Variants in CTNNA2 observed in about 807,000 individuals in gnomAD.
CTNNA2 encodes the protein catenin alpha 2.
CTNNA2 carries 42 observed loss-of-function variants against 101.0 expected under a neutral mutation model. The ratio of observed to expected loss-of-function variants is 0.42; its 90% CI spans 0.32 to 0.54. The LOEUF (loss-of-function observed/expected upper bound fraction) is 0.54. Among genes scored for constraint, CTNNA2 ranks in the 20% least tolerant of loss-of-function variants. CTNNA2 has a pLI of 0.14. For missense variants in CTNNA2, 871 were observed against 1,223.1 expected (o/e 0.71, Z 4.29); for synonymous variants, 450 against 456.4 (o/e 0.99, Z 0.18).
chr2:79,944,230 C>CTAA (rs1688343628), intron 7 of CTNNA2, among the ~76,000 whole-genome samples: 1 of 152,110 alleles, frequency 6.6e-6, no homozygotes, highest in South Asian at 2.1e-4. Context: ...CCTGCACAGT[C>CTAA]TAATCATTTA....
chr2:79,850,907 A>G (rs576237599), intron 3 of CTNNA2, among the ~76,000 whole-genome samples: 6 of 152,318 alleles, frequency 3.9e-5, no homozygotes, highest in Admixed American at 2.6e-4. Flanking sequence ...CCAGATAGAT[A>G]CAGCCTAATG....
At chr2:79,916,891 A>G (rs1001758599) in intron 7 of CTNNA2, among the ~76,000 whole-genome samples, 9 of 151,000 alleles carry the variant, frequency 6.0e-5, no homozygotes, top group African/African-American at 1.9e-4. Context: ...TCAAAGTGCT[A>G]GGATTACAGG....
At chr2:79,918,872 C>A (rs1174443614) in intron 7 of CTNNA2, among the ~76,000 whole-genome samples, 1 of 152,112 alleles carries the variant, frequency 6.6e-6, no homozygotes, top group African/African-American at 2.4e-5. Context: ...CAATAACAAC[C>A]GGTTATGGAT....
chr2:80,343,093 A>C (rs1444308998), intron 7 of CTNNA2, among the ~76,000 whole-genome samples: 1 of 152,188 alleles, frequency 6.6e-6, no homozygotes, highest in Non-Finnish European at 1.5e-5. Context: ...GGGTTAGGGC[A>C]TATCTAATGA....
chr2:80,647,509 C>A (rs528374578), intron 18 of CTNNA2, 76 bp from the exon 19 acceptor site: 2 of 1,199,696 alleles, frequency 1.7e-6, no homozygotes, highest in Non-Finnish European at 2.3e-6. Context: ...TTATTTTAAC[C>A]GTGAAAGTAC....
At chr2:79,945,696 G>C (rs900379125) in intron 7 of CTNNA2, among the ~76,000 whole-genome samples, 21 of 152,078 alleles carry the variant, frequency 1.4e-4, no homozygotes, top group African/African-American at 4.8e-4. Flanking sequence ...ATCATGCTTA[G>C]TCCTGGAGAT....
chr2:80,540,155 C>T (rs1345114400), intron 9 of CTNNA2, among the ~76,000 whole-genome samples: 2 of 152,110 alleles, frequency 1.3e-5, no homozygotes, highest in Non-Finnish European at 2.9e-5. Context: ...CATTCCTTTC[C>T]TCCTCCATAC....
At chr2:80,587,012 T>C (rs1237696277) in intron 14 of CTNNA2, among the ~76,000 whole-genome samples, 2 of 152,062 alleles carry the variant, frequency 1.3e-5, no homozygotes, top group Admixed American at 6.6e-5. Context: ...CCCCACTTGG[T>C]TGAGGACCCC....
chr2:80,481,521 A>G (rs1285898237), intron 9 of CTNNA2, among the ~76,000 whole-genome samples: 1 of 152,158 alleles, frequency 6.6e-6, no homozygotes, highest in Non-Finnish European at 1.5e-5. Context: ...ACCTAATCAG[A>G]GGAAATTATG....
chr2:80,454,785 C>A (rs931138743), intron 9 of CTNNA2, among the ~76,000 whole-genome samples: 1 of 152,216 alleles, frequency 6.6e-6, no homozygotes, highest in African/African-American at 2.4e-5. Flanking sequence ...CAGGGCCAGC[C>A]CTGGGCATTT....
chr2:79,603,955 C>T (rs2566552), intron 1 of CTNNA2, among the ~76,000 whole-genome samples: 1 of 152,020 alleles, frequency 6.6e-6, no homozygotes, highest in Non-Finnish European at 1.5e-5. Context: ...CCTGAGAGAG[C>T]GAGTCCACCA....
At chr2:80,561,768 C>A (rs536088042) in intron 12 of CTNNA2, among the ~76,000 whole-genome samples, 39 of 151,758 alleles carry the variant, frequency 2.6e-4, no homozygotes, top group African/African-American at 8.9e-4. Context: ...TCAAGTGATT[C>A]TATTGCCTCA....
intron 1 of CTNNA2, among the ~76,000 whole-genome samples, chr2:79,563,183 ATATATT>A (rs146424667): frequency 0.34 from 45,810 of 135,110 alleles, 7,522 homozygotes; most frequent in Middle Eastern, 0.44. Context: ...ATATATATAT[ATATATT>A]TTCCTTCATT....
At chr2:79,235,146 A>T (rs967751448) in intron 2 of CTNNA2, among the ~76,000 whole-genome samples, 6 of 152,124 alleles carry the variant, frequency 3.9e-5, no homozygotes, top group Non-Finnish European at 8.8e-5. Context: ...TCTCATGTGG[A>T]AGGGCTGACA....
At chr2:80,268,831 A>G (rs961182904) in intron 7 of CTNNA2, among the ~76,000 whole-genome samples, 2 of 152,222 alleles carry the variant, frequency 1.3e-5, no homozygotes, top group Non-Finnish European at 1.5e-5. Context: ...GGTGACCACT[A>G]TATAGTCCAA....
At chr2:80,496,158 T>C (rs538374943) in intron 9 of CTNNA2, among the ~76,000 whole-genome samples, 7 of 152,200 alleles carry the variant, frequency 4.6e-5, no homozygotes, top group African/African-American at 1.7e-4. Flanking sequence ...AGCTTGATTG[T>C]GGACTTCTTC....
At chr2:79,523,142 A>T in intron 1 of CTNNA2, 1 of 349,526 alleles carries the variant, frequency 2.9e-6, no homozygotes, top group Non-Finnish European at 5.7e-6. Flanking sequence ...CTTCCTCTAC[A>T]TTAGTTTTTG....
intron 2 of CTNNA2, among the ~76,000 whole-genome samples, chr2:79,204,202 CAA>C (rs1006086209): frequency 6.6e-6 from 1 of 152,208 alleles, no homozygotes; most frequent in African/African-American, 2.4e-5. Flanking sequence ...GCCTGTCAAC[CAA>C]AGTCACACTG....
intron 7 of CTNNA2, among the ~76,000 whole-genome samples, chr2:80,058,228 A>C (rs1446892604): frequency 6.6e-6 from 1 of 152,206 alleles, no homozygotes; most frequent in African/African-American, 2.4e-5. Flanking sequence ...TGAGGGAAGA[A>C]TACTTAGGGA....
Sources: allele counts gnomAD v4.1 joint callset (sites outside exome capture counted in the v4.1 genomes callset), GRCh38; gene constraint gnomAD v4.1.1; transcripts MANE v1.5; gene names NCBI Gene and HGNC (gene_info 2026-07-23, HGNC 2026-07-21).